Variants in CDK16 observed in about 807,000 individuals in gnomAD.
CDK16 encodes cyclin dependent kinase 16.
Under a neutral mutation model 41.6 loss-of-function variants are expected in CDK16, and 2 were observed. The ratio of observed to expected loss-of-function variants is 0.05; its 90% CI spans 0.02 to 0.15. The LOEUF is 0.15. CDK16 is among the 10% of genes least tolerant of loss of function. The pLI is 1.00. For synonymous variants in CDK16, 169 were observed against 169.7 expected, an observed-to-expected ratio of 1.00 and a Z score of 0.03; for missense variants, 228 against 428.9, an observed-to-expected ratio of 0.53 and a Z score of 4.14.
chrX:47,224,782 C>T (rs1389483187), intron 4 of CDK16, 39 bp downstream of exon 4: 6 of 1,211,269 alleles, frequency 5.0e-6, no homozygotes, highest in Non-Finnish European at 6.7e-6. Context: ...TTTTTCTTCT[C>T]TCCCAGACCC....
rs2055297070 is a variant in CDK16 at position 47,229,236 on chromosome X, G to A, written c.*468G>A. The A allele has an allele frequency of 4.5e-6, 1 of 224,154 alleles. No individual in the cohort carries two copies. The highest frequency in any genetic ancestry group is 3.0e-5 in the African/African-American group (1 of 33,234). The allele number at this position is 224,154 out of a possible 1,213,427, so 18.5% of individuals were successfully genotyped here. On this transcript the variant is annotated 3_prime_UTR_variant, in exon 16 of 16. Transcript: ENST00000357227. ...TGCCCCACCTGCCTCATATTGTGTGGGCCTTTTTTTGTTTGTTTCATTCAT... is the reference window on the plus strand; with the variant it reads ...TGCCCCACCTGCCTCATATTGTGTGAGCCTTTTTTTGTTTGTTTCATTCAT...
intron 1 of CDK16, among the ~76,000 whole-genome samples, chrX:47,222,667 G>A (rs1317391905): frequency 1.1e-5 from 1 of 90,321 alleles, no homozygotes; most frequent in Admixed American, 1.2e-4. Context: ...GTGTGGGGGT[G>A]GGGGGGGGCC....
chrX:47,218,762 T>C lies in CDK16; in HGVS notation c.-350T>C, dbSNP rs1602669039. ...GGTTGGGCCGTTGGCTGTTCGGCCC[T>C]GGGATCCGCCGCCACTCCGCGATCA... is the stretch of plus-strand genomic sequence containing the variant. On this transcript the variant is annotated 5_prime_UTR_variant, in exon 1 of 16. Transcript: ENST00000357227. 1 of 1,156,955 alleles carries C rather than the reference T, an allele frequency of 8.6e-7. No homozygotes were observed. The highest frequency in any genetic ancestry group is 1.1e-6 in the Non-Finnish European group (1 of 870,458).
rs1204421885 is a variant in CDK16, at chrX:47,218,927, C to T, written c.-185C>T. On this transcript the variant is annotated 5_prime_UTR_variant, in exon 1 of 16. Coordinates refer to ENST00000357227, the MANE Select transcript of CDK16 (RefSeq NM_006201.5). ...CCGCCTCAGCCACCGCCGCCGCCGC[C>T]GCCTCCTCCTCCTCAGCCGGCGGCG... 9.7e-7 allele frequency: 1 copy of T among 1,031,711 alleles called. No homozygotes were observed. The highest frequency in any genetic ancestry group is 4.1e-5 in the Admixed American group (1 of 24,610). The allele number at this position is 1,031,711 out of a possible 1,213,427, so 85.0% of individuals were successfully genotyped here. A position where few individuals can be genotyped will look rare whatever the true frequency, so the allele number is the denominator to read the frequency against.
rs1556796291 is a variant in CDK16, at chrX:47,218,873, C to T, written c.-239C>T. Reference sequence around the variant, plus strand: ...GGGGGCATCGCCCGCAGCGGCCAAGCTCATGGCCGGCTGAGCGGGACGCCG... The same window carrying T: ...GGGGGCATCGCCCGCAGCGGCCAAGTTCATGGCCGGCTGAGCGGGACGCCG... On this transcript the variant is annotated 5_prime_UTR_variant, in exon 1 of 16. Coordinates refer to ENST00000357227, the MANE Select transcript of CDK16 (RefSeq NM_006201.5). 1.1e-5 allele frequency: 12 copies of T among 1,098,911 alleles called. No homozygotes were observed. Among genetic ancestry groups the T allele is most frequent in the Non-Finnish European group, 1.3e-5 (11 of 844,562 alleles). 90.6% of individuals were successfully genotyped at this position (1,098,911 alleles called of 1,213,427 possible). A position where few individuals can be genotyped will look rare whatever the true frequency, so the allele number is the denominator to read the frequency against.
At chrX:47,224,345 G>A (rs1246326023) in intron 2 of CDK16, 40 bp from the exon 3 acceptor site, 1 of 1,152,067 alleles carries the variant, frequency 8.7e-7, no homozygotes, top group East Asian at 3.0e-5. Context: ...TGTGGTTCCT[G>A]ACCCCACCTG....
chrX:47,224,530 C>A lies in CDK16; in HGVS notation c.336+12C>A. Reference sequence around the variant, plus strand: ...AGATCTCCACTGAGGTGCTTGACCCCGTCTGGATGGTGGAGGAACTGGAAA... The same window carrying A: ...AGATCTCCACTGAGGTGCTTGACCCAGTCTGGATGGTGGAGGAACTGGAAA... On this transcript the variant is annotated intron_variant, in intron 3 of 15. Transcript: ENST00000357227. 6 of 1,204,609 alleles carry A rather than the reference C, an allele frequency of 5.0e-6. No homozygotes were observed. Among genetic ancestry groups the A allele is most frequent in the Non-Finnish European group, 5.6e-6 (5 of 891,273 alleles).
chrX:47,218,725 G>GGCGCGC lies in CDK16; in HGVS notation c.-383_-378dup. On this transcript the variant is annotated 5_prime_UTR_variant, in exon 1 of 16. Coordinates refer to ENST00000357227, the MANE Select transcript of CDK16 (RefSeq NM_006201.5). ...GCCTGCGTGCGCATGCGCGGAGCGC[G>GGCGCGC]GCGCGCGCGGCGGTTGGGCCGTTGG... 1 of 1,161,259 alleles carries GGCGCGC rather than the reference G, an allele frequency of 8.6e-7. No homozygotes were observed. The highest frequency in any genetic ancestry group is 1.8e-5 in the African/African-American group (1 of 56,047).
intron 2 of CDK16, 21 bp from the exon 3 acceptor site, chrX:47,224,364 T>C: frequency 8.5e-7 from 1 of 1,173,536 alleles, no homozygotes; most frequent in Non-Finnish European, 1.1e-6. Context: ...TGGCCTGCCC[T>C]ACCCCTCTCC....
chrX:47,228,276 A>AT (rs2055271119), intron 14 of CDK16: 16 of 269,867 alleles, frequency 5.9e-5, no homozygotes, highest in Non-Finnish European at 8.5e-5. Flanking sequence ...CCACTGGATT[A>AT]ATATATAAAG....
chrX:47,223,864 C>T, intron 2 of CDK16, 105 bp downstream of exon 2: 1 of 690,517 alleles, frequency 1.4e-6, no homozygotes, highest in Non-Finnish European at 2.2e-6. Flanking sequence ...TGCCCTTTCT[C>T]TGCCCCCCAT....
chrX:47,224,295 G>T lies in CDK16; in HGVS notation c.203-90G>T. The T allele has an allele frequency of 5.9e-6, 6 of 1,009,264 alleles. No individual in the cohort carries two copies. In the South Asian group the frequency reaches 1.4e-4, roughly 23 times the overall value. The allele number at this position is 1,009,264 out of a possible 1,213,427, so 83.2% of individuals were successfully genotyped here. On this transcript the variant is annotated intron_variant, in intron 2 of 15. Coordinates refer to ENST00000357227, the MANE Select transcript of CDK16 (RefSeq NM_006201.5). ...TCCTGTGGGGGCCACGTGCACACAT[G>T]TGTGATGATGGAATATGTTTCGTGG...
chrX:47,222,652 G>GGGGGGTGT (rs1328120843), intron 1 of CDK16, among the ~76,000 whole-genome samples: 41 of 102,563 alleles, frequency 4.0e-4, no homozygotes, highest in African/African-American at 1.4e-3. Context: ...AATGATGGCG[G>GGGGGGTGT]GGGGGTGTGG....
intron 1 of CDK16, 33 bp downstream of exon 1, chrX:47,219,138 C>G (rs1412946277): frequency 6.3e-6 from 5 of 795,681 alleles, no homozygotes; most frequent in Non-Finnish European, 7.5e-6. Context: ...GAGGCTGCCC[C>G]TCCTCCTTCA....
At chrX:47,222,891 C>T in intron 1 of CDK16, 1 of 358,923 alleles carries the variant, frequency 2.8e-6, no homozygotes. Flanking sequence ...ACTGAGACCC[C>T]CCCGCCCTCC....
intron 2 of CDK16, 48 bp downstream of exon 2, chrX:47,223,807 C>A: frequency 9.4e-7 from 1 of 1,065,631 alleles, no homozygotes; most frequent in Non-Finnish European, 1.3e-6. Context: ...AGGCTGCTTC[C>A]CAGGTGTTGC....
rs2055293866 is a variant in CDK16, at chrX:47,229,082, T to C, written c.*314T>C. On this transcript the variant is annotated 3_prime_UTR_variant, in exon 16 of 16. Transcript: ENST00000357227. Reference sequence around the variant, plus strand: ...CTGAGGCCAGGTCTACCCCCCATCATACCAGCCCCCAGGACCACTACCCCA... The same window carrying C: ...CTGAGGCCAGGTCTACCCCCCATCACACCAGCCCCCAGGACCACTACCCCA... 1 of 372,708 alleles carries C rather than the reference T, an allele frequency of 2.7e-6. No individual in the cohort carries two copies. Among genetic ancestry groups the C allele is most frequent in the Non-Finnish European group, 4.8e-6 (1 of 207,694 alleles). The allele number at this position is 372,708 out of a possible 1,213,427, so 30.7% of individuals were successfully genotyped here.
upstream of CDK16, chrX:47,218,567 T>C: frequency 1.8e-6 from 2 of 1,138,479 alleles, no homozygotes; most frequent in South Asian, 2.0e-5. Flanking sequence ...CAGTTCTCCC[T>C]GGTGCCGTCT....
chrX:47,223,864 C>G (rs1937456598), intron 2 of CDK16, 105 bp downstream of exon 2: 8 of 688,394 alleles, frequency 1.2e-5, no homozygotes, highest in Non-Finnish European at 1.5e-5. Context: ...TGCCCTTTCT[C>G]TGCCCCCCAT....
Sources: allele counts gnomAD v4.1 joint callset (sites outside exome capture counted in the v4.1 genomes callset), GRCh38; gene constraint gnomAD v4.1.1; transcripts MANE v1.5; gene names NCBI Gene and HGNC (gene_info 2026-07-23, HGNC 2026-07-21).